LCT: variants seen among roughly 807,000 people sequenced by gnomAD.
The protein encoded by LCT is lactase/phlorizin hydrolase.
A neutral mutation model predicts 173.0 loss-of-function variants in LCT; 90 were observed. That is an observed-to-expected ratio of 0.52 (90% CI 0.44 to 0.62). LCT has a LOEUF of 0.62. Ranked by LOEUF, LCT falls within the 20% of genes least tolerant of loss-of-function variation. The pLI, the probability that LCT is intolerant of heterozygous loss-of-function variation, is 0.00. For missense variants in LCT, 1,864 were observed against 2,431.4 expected (o/e 0.77, Z 4.91); for synonymous variants, 853 against 957.6 (o/e 0.89, Z 2.02).
chr2:135,799,076 G>A (rs1359604933), intron 12 of LCT, among the ~76,000 whole-genome samples: 2 of 152,200 alleles, frequency 1.3e-5, no homozygotes, highest in Non-Finnish European at 2.9e-5. Flanking sequence ...CACCAGTTCT[G>A]TGAGTCTGAA....
In LCT at chr2:135,809,679, G is replaced by A. The variant is rs1337972637; in HGVS notation, c.2668C>T (p.Gln890Ter). Residue 890 changes from glutamine (Q) to a stop codon, truncating the protein, a stop_gained, in exon 8 of 17, where the codon CAA (glutamine) becomes TAA (stop). Coordinates refer to ENST00000264162, the MANE Select transcript of LCT (RefSeq NM_002299.4). LOFTEE classifies it high-confidence loss of function. The surrounding 1 kb of genome is among the most constrained non-coding windows in gnomAD (Gnocchi z 5.5). ...AKVVWEKFSS[Q>*]PKFERDLFYH... ...AACAAATCTCTTTCGAACTTGGGTT[G>A]GCTGGAGAACTTTTCCCAAACGACT... is the stretch of plus-strand genomic sequence containing the variant. 5 of 1,614,128 alleles carry A rather than the reference G, an allele frequency of 3.1e-6. No homozygotes were observed. Among genetic ancestry groups the A allele is most frequent in the Non-Finnish European group, 4.2e-6 (5 of 1,180,048 alleles).
intron 11 of LCT, among the ~76,000 whole-genome samples, chr2:135,803,325 T>C (rs1350551451): frequency 6.6e-6 from 1 of 152,206 alleles, no homozygotes; most frequent in African/African-American, 2.4e-5. Flanking sequence ...AATTATTGCA[T>C]GTCAACCAAA....
At chr2:135,833,066 A>T in intron 2 of LCT, 45 bp downstream of exon 2, 1 of 1,411,624 alleles carries the variant, frequency 7.1e-7, no homozygotes, top group Non-Finnish European at 1.0e-6. Context: ...AATTAAAATC[A>T]AACTCTCCTC....
At chr2:135,789,896 C>T (rs751226603) in intron 15 of LCT, 98 bp from the exon 16 acceptor site, 149 of 918,464 alleles carry the variant, frequency 1.6e-4, no homozygotes, top group Non-Finnish European at 2.6e-4. Flanking sequence ...CTCTCCCCAC[C>T]GCCTTCACAG....
At chr2:135,791,011 C>T (rs2077529982) in intron 14 of LCT, 130 bp from the exon 15 acceptor site, 1 of 744,034 alleles carries the variant, frequency 1.3e-6, no homozygotes, top group Admixed American at 2.1e-5. Context: ...TCATACTAAA[C>T]CCAGAAGAAT....
intron 14 of LCT, chr2:135,794,365 G>T: frequency 2.5e-6 from 1 of 402,158 alleles, no homozygotes; most frequent in Non-Finnish European, 4.5e-6. Flanking sequence ...CTGTGAAAAA[G>T]AACGCAAAAT....
chr2:135,794,311 T>G (rs974379348), intron 14 of LCT: 3 of 241,616 alleles, frequency 1.2e-5, no homozygotes, highest in African/African-American at 2.2e-5. Context: ...ATTTTTTTCT[T>G]GAAAATCCTT....
In LCT at chr2:135,817,628, C is replaced by A. The variant is rs1200514946; in HGVS notation, c.1420G>T (p.Val474Phe). The part of the protein sequence containing the change: ...GHGSSPSLPG[V>F]AYYNKLIDRL... Reference sequence around the variant, plus strand: ...TCAATCAGCTTGTTGTAGTAGGCAACGCCTGGGAGGCTGGGGCTGCTCCCG... The same window carrying A: ...TCAATCAGCTTGTTGTAGTAGGCAAAGCCTGGGAGGCTGGGGCTGCTCCCG... The change falls in exon 6 of 17, where the codon GTT (valine) becomes TTT (phenylalanine). Residue 474 changes from valine (V) to phenylalanine (F), a missense_variant. By Grantham distance (50) the Val-to-Phe change is conservative (BLOSUM62 -1). This residue lies in a region of LCT where 183 missense variants were observed against 293.1 expected (regional missense o/e 0.62). Transcript: ENST00000264162. 1.2e-6 allele frequency: 2 copies of A among 1,613,944 alleles called. No homozygotes were observed. The highest frequency in any genetic ancestry group is 1.7e-6 in the Non-Finnish European group (2 of 1,180,022).
chr2:135,800,685 G>A lies in LCT; in HGVS notation c.4788C>T (p.Ile1596=). The change falls in exon 12 of 17, where the codon ATC becomes ATT. Residue 1596 remains isoleucine, a synonymous_variant. Coordinates refer to ENST00000264162, the MANE Select transcript of LCT (RefSeq NM_002299.4). ...GTTCAGCCCAGTCACTGCTGATGGT[G>A]ATGGAAATCACGCCACCTTGACTGG... ...YRASQGGVIS[I]TISSDWAEPR... 1 of 1,613,754 alleles carries A rather than the reference G, an allele frequency of 6.2e-7. No homozygotes were observed. Among genetic ancestry groups the A allele is most frequent in the Non-Finnish European group, 8.5e-7 (1 of 1,180,000 alleles).
rs772151805 is a variant in LCT, at chr2:135,804,911, C to G, written c.4320G>C (p.Gln1440His). The change falls in exon 10 of 17, where the codon CAG becomes CAC. Residue 1440 changes from glutamine to histidine, a missense_variant. This residue lies in a region of LCT where 514 missense variants were observed against 750.1 expected (regional missense o/e 0.69). Coordinates refer to ENST00000264162, the MANE Select transcript of LCT (RefSeq NM_002299.4). ...HKIAEDLVTL[Q>H]NLGVSHYRFS... ...AACGGTAGTGGGACACGCCCAGGTT[C>G]TGCAGGGTGACCAGATCCTCAGCAA... is the stretch of plus-strand genomic sequence containing the variant. 1.7e-5 allele frequency: 27 copies of G among 1,614,208 alleles called. No homozygotes were observed. Among genetic ancestry groups the G allele is most frequent in the Non-Finnish European group, 2.3e-5 (27 of 1,180,042 alleles).
intron 1 of LCT, among the ~76,000 whole-genome samples, chr2:135,834,269 T>G (rs2105559313): frequency 6.6e-6 from 1 of 151,856 alleles, no homozygotes; most frequent in East Asian, 2.0e-4. Flanking sequence ...CACTGCAACC[T>G]CCGCCTCCCA....
intron 11 of LCT, among the ~76,000 whole-genome samples, chr2:135,801,305 G>C (rs1004899450): frequency 6.6e-6 from 1 of 152,196 alleles, no homozygotes; most frequent in Non-Finnish European, 1.5e-5. Context: ...AGCTCTGTTA[G>C]CTACTATAGT....
At position 135,790,928 on chromosome 2, in the gene LCT, A is replaced by G. The variant is rs1469134245; in HGVS notation, c.5112-47T>C. ...ATGAGGTCTTGTTTTGTAAATCTCA[A>G]GAGGCCCTTTACACGAAACACAAAA... On this transcript the variant is annotated intron_variant, in intron 14 of 16. Coordinates refer to ENST00000264162, the MANE Select transcript of LCT (RefSeq NM_002299.4). The surrounding 1 kb of genome is among the most constrained non-coding windows in gnomAD (Gnocchi z 4.1). 1 of 1,412,196 alleles carries G rather than the reference A, an allele frequency of 7.1e-7. No individual in the cohort carries two copies. The highest frequency in any genetic ancestry group is 1.0e-6 in the Non-Finnish European group (1 of 996,660). The allele number at this position is 1,412,196 out of a possible 1,614,324, so 87.5% of individuals were successfully genotyped here. A position where few individuals can be genotyped will look rare whatever the true frequency, so the allele number is the denominator to read the frequency against.
At position 135,800,768 on chromosome 2, in the gene LCT, G is replaced by A; in HGVS notation, c.4705C>T (p.His1569Tyr). ...RPGTAPYIVG[H>Y]NLIKAHAEAW... ...TCAGCATGAGCCTTTATTAGATTGT[G>A]GCCAACAATGTAGGGGGCAGTGCCA... The change falls in exon 12 of 17, where the codon CAC (histidine) becomes TAC (tyrosine). Residue 1569 changes from histidine to tyrosine, a missense_variant. Around this residue, in one of 4 missense-constraint regions of LCT, gnomAD observed 514 missense variants for 750.1 expected, o/e 0.69. Coordinates refer to ENST00000264162, the MANE Select transcript of LCT (RefSeq NM_002299.4). 1.2e-6 allele frequency: 2 copies of A among 1,614,068 alleles called. No individual in the cohort carries two copies. The highest frequency in any genetic ancestry group is 1.7e-6 in the Non-Finnish European group (2 of 1,179,998).
chr2:135,812,186 C>A, intron 7 of LCT, 125 bp downstream of exon 7: 1 of 819,484 alleles, frequency 1.2e-6, no homozygotes, highest in African/African-American at 1.7e-5. Context: ...TGAAGGACTC[C>A]CCACTATTAT....
chr2:135,805,694 T>A (rs1364187557), intron 9 of LCT, among the ~76,000 whole-genome samples: 3 of 152,212 alleles, frequency 2.0e-5, no homozygotes, highest in Non-Finnish European at 4.4e-5. Flanking sequence ...AGTCATGGGC[T>A]GTAGAACAGT....
Position 135,808,994 on chromosome 2 carries a change from C to G in LCT, c.3353G>C (p.Gly1118Ala). 5 of 1,611,152 alleles carry G rather than the reference C, an allele frequency of 3.1e-6. No individual in the cohort carries two copies. In the South Asian group the frequency reaches 4.4e-5, roughly 14 times the overall value. Reference protein sequence around the residue: ...YDEKYRQEQKGVISLSLSTHW... With the variant: ...YDEKYRQEQKAVISLSLSTHW... The stretch of plus-strand genomic sequence containing the variant: ...TGTACTGAGGCTCAGCGAGATGACC[C>G]CCTTCTGCTCCTGCCTGTATTTCTC... The change falls in exon 8 of 17, where the codon GGG (glycine) becomes GCG (alanine). Residue 1118 changes from glycine (G) to alanine (A), a missense_variant. Around this residue, in one of 4 missense-constraint regions of LCT, gnomAD observed 755 missense variants for 926.3 expected, o/e 0.82. Coordinates refer to ENST00000264162, the MANE Select transcript of LCT (RefSeq NM_002299.4).
In LCT at chr2:135,812,842, G is replaced by T; in HGVS notation, c.1822C>A (p.Pro608Thr). The T allele has an allele frequency of 2.5e-6, 4 of 1,614,210 alleles. No homozygotes were observed. The highest frequency in any genetic ancestry group is 1.3e-5 in the African/African-American group (1 of 75,060). The change falls in exon 7 of 17, where the codon CCC (proline) becomes ACC (threonine). Residue 608 changes from proline (P) to threonine (T), a missense_variant. By Grantham distance (38) the Pro-to-Thr change is conservative. Coordinates refer to ENST00000264162, the MANE Select transcript of LCT (RefSeq NM_002299.4). ...GIVLNSDWAE[P>T]LSPERPEDLR... ...TCCTCAGGCCTCTCTGGAGACAGGGGTTCTGCCCAGTCTGAGTTCAGCACA... is the reference window on the plus strand; with the variant it reads ...TCCTCAGGCCTCTCTGGAGACAGGGTTTCTGCCCAGTCTGAGTTCAGCACA...
chr2:135,809,586 C>T lies in LCT; in HGVS notation c.2761G>A (p.Ala921Thr), dbSNP rs149891578. 6 of 1,614,094 alleles carry T rather than the reference C, an allele frequency of 3.7e-6. No homozygotes were observed. Among genetic ancestry groups the T allele is most frequent in the East Asian group, 4.5e-5 (2 of 44,898 alleles). ...GGGCCTTTGCCATCGGCATCCCACG[C>T]GCCTTCAATCTGATAAGCGGAAGAG... is the stretch of plus-strand genomic sequence containing the variant. Reference protein sequence around the residue: ...VSSSAYQIEGAWDADGKGPSI... With the variant: ...VSSSAYQIEGTWDADGKGPSI... Residue 921 changes from alanine (A) to threonine (T), a missense_variant, in exon 8 of 17, where the codon GCG becomes ACG. Transcript: ENST00000264162. The surrounding 1 kb of genome is among the most constrained non-coding windows in gnomAD (Gnocchi z 5.5).
Sources: allele counts gnomAD v4.1 joint callset (sites outside exome capture counted in the v4.1 genomes callset), GRCh38; gene constraint gnomAD v4.1.1; regional missense constraint gnomAD v4.1.1; non-coding constraint Gnocchi (gnomAD v3.1); transcripts MANE v1.5; gene names NCBI Gene and HGNC (gene_info 2026-07-23, HGNC 2026-07-21).